ZBTB8B: variants seen among roughly 807,000 people sequenced by gnomAD.
The protein encoded by ZBTB8B is zinc finger and BTB domain containing 8B, also known as zinc finger and BTB domain-containing protein 8B.
ZBTB8B carries 17 observed loss-of-function variants against 30.3 expected under a neutral mutation model. The observed-to-expected ratio is 0.56, with a 90% CI of 0.38 to 0.84. ZBTB8B has a LOEUF of 0.84. ZBTB8B is among the 40% of genes least tolerant of loss of function. The pLI, the probability that ZBTB8B is intolerant of heterozygous loss-of-function variation, is 0.00. For synonymous variants in ZBTB8B, 248 were observed against 255.6 expected, an observed-to-expected ratio of 0.97 and a Z score of 0.28; for missense variants, 515 against 644.9, an observed-to-expected ratio of 0.80 and a Z score of 2.18.
At chr1:32,470,354 G>T (rs1192616985) in intron 1 of ZBTB8B, among the ~76,000 whole-genome samples, 2 of 151,836 alleles carry the variant, frequency 1.3e-5, no homozygotes, top group East Asian at 3.9e-4. Flanking sequence ...CAAAAAATTT[G>T]CCGGGCGTGG....
At chr1:32,469,815 C>T (rs1466967698) in intron 1 of ZBTB8B, among the ~76,000 whole-genome samples, 1 of 152,164 alleles carries the variant, frequency 6.6e-6, no homozygotes, top group Non-Finnish European at 1.5e-5. Context: ...ATGCAATTAG[C>T]TATAGTTATT....
At chr1:32,466,655 A>G (rs1024664403) in intron 1 of ZBTB8B, among the ~76,000 whole-genome samples, 3 of 152,216 alleles carry the variant, frequency 2.0e-5, no homozygotes, top group African/African-American at 7.2e-5. Flanking sequence ...GTCAGGAAGT[A>G]GAATAAAAAT....
chr1:32,470,034 G>A (rs1482947056), intron 1 of ZBTB8B, among the ~76,000 whole-genome samples: 3 of 151,888 alleles, frequency 2.0e-5, no homozygotes, highest in Non-Finnish European at 2.9e-5. Context: ...TACAGGCCCG[G>A]CTAAGTTTTG....
At chr1:32,470,017 C>A (rs1643603462) in intron 1 of ZBTB8B, among the ~76,000 whole-genome samples, 1 of 152,038 alleles carries the variant, frequency 6.6e-6, no homozygotes, top group Non-Finnish European at 1.5e-5. Context: ...TCCCTAGTAG[C>A]TGGGATTACA....
chr1:32,473,151 T>G lies in ZBTB8B; in HGVS notation c.991+1536T>G, dbSNP rs116487464. ...CTGATGAAACGTGGCTTCCAAACCT[T>G]AAGCCAAGGCTGGGCGCGGCGGCAC... On this transcript the variant is annotated intron_variant, in intron 2 of 3. Transcript: ENST00000609129. 2.0e-3 allele frequency among the ~76,000 whole-genome samples: 300 copies of G among 152,256 alleles called. 1 individual carries two copies. The highest frequency in any genetic ancestry group is 6.9e-3 in the African/African-American group (286 of 41,556).
intron 3 of ZBTB8B, among the ~76,000 whole-genome samples, chr1:32,483,953 T>C (rs1216270006): frequency 6.6e-6 from 1 of 151,742 alleles, no homozygotes; most frequent in Non-Finnish European, 1.5e-5. Context: ...GCTTGAAATC[T>C]CAACACCTTA....
Position 32,471,112 on chromosome 1 carries a change from C to G in ZBTB8B, c.488C>G (p.Ser163Ter), listed in dbSNP as rs1233537634. 6.4e-7 allele frequency: 1 copy of G among 1,551,490 alleles called. No homozygotes were observed. Among genetic ancestry groups the G allele is most frequent in the African/African-American group, 1.4e-5 (1 of 73,052 alleles). The change falls in exon 2 of 4, where the codon TCA becomes TGA. Residue 163 changes from serine to a stop codon, truncating the protein, a stop_gained. Coordinates refer to ENST00000609129, the MANE Select transcript of ZBTB8B (RefSeq NM_001145720.2). LOFTEE classifies it high-confidence loss of function. ...AHQVDSESPS[S>*]GREGTSCGTK... ...CAGGTTGACAGTGAAAGCCCCAGTT[C>G]AGGCCGGGAGGGGACCTCCTGTGGT...
At chr1:32,469,817 ATAGT>A (rs1643602244) in intron 1 of ZBTB8B, among the ~76,000 whole-genome samples, 1 of 152,176 alleles carries the variant, frequency 6.6e-6, no homozygotes, top group Non-Finnish European at 1.5e-5. Flanking sequence ...GCAATTAGCT[ATAGT>A]TATTTTTTTC....
intron 1 of ZBTB8B, among the ~76,000 whole-genome samples, chr1:32,467,720 C>A (rs1643582494): frequency 6.6e-6 from 1 of 152,082 alleles, no homozygotes; most frequent in African/African-American, 2.4e-5. Flanking sequence ...GCTTGTAGTT[C>A]ATTGACAGAG....
rs1431421557 is a variant in ZBTB8B at position 32,485,681 on chromosome 1, CT to C, written c.*264del. The C allele has an allele frequency of 2.3e-6, 1 of 429,232 alleles. No individual in the cohort carries two copies. The highest frequency in any genetic ancestry group is 4.2e-6 in the Non-Finnish European group (1 of 239,084). The allele number at this position is 429,232 out of a possible 1,614,324, so 26.6% of individuals were successfully genotyped here. A position where few individuals can be genotyped will look rare whatever the true frequency, so the allele number is the denominator to read the frequency against. On this transcript the variant is annotated 3_prime_UTR_variant, in exon 4 of 4. Transcript: ENST00000609129. ...AGTGAGTCAAAGCAGGCCCTGAGGT[CT>C]CCTGTTTTTCTTGCTGTGTGTCCAA...
chr1:32,470,525 AAG>A (rs796233930), intron 1 of ZBTB8B, 57 bp from the exon 2 acceptor site: 63 of 1,132,158 alleles, frequency 5.6e-5, no homozygotes, highest in South Asian at 1.3e-4. Context: ...AAAAAAAAAA[AAG>A]AAATCTTGTT....
Position 32,491,313 on chromosome 1 carries a change from C to T in ZBTB8B, c.*5895C>T, listed in dbSNP as rs1570267457. Reference sequence around the variant, plus strand: ...CAAACAGTTTCACATCTTTTACCATCCATAGCCCCTGAGGAGCATCTACTG... The same window carrying T: ...CAAACAGTTTCACATCTTTTACCATTCATAGCCCCTGAGGAGCATCTACTG... On this transcript the variant is annotated 3_prime_UTR_variant, in exon 4 of 4. Transcript: ENST00000609129. 1 of 152,268 alleles carries T rather than the reference C, an allele frequency of 6.6e-6. No individual in the cohort carries two copies. The highest frequency in any genetic ancestry group is 1.9e-4 in the East Asian group (1 of 5,186). 9.4% of individuals were successfully genotyped at this position (152,268 alleles called of 1,614,324 possible).
intron 2 of ZBTB8B, among the ~76,000 whole-genome samples, chr1:32,472,627 T>C (rs545171985): frequency 1.3e-5 from 2 of 152,306 alleles, no homozygotes; most frequent in African/African-American, 2.4e-5. Context: ...ATTGATTGAT[T>C]GATTGAGACA....
At chr1:32,472,401 A>G (rs1288568608) in intron 2 of ZBTB8B, among the ~76,000 whole-genome samples, 1 of 152,200 alleles carries the variant, frequency 6.6e-6, no homozygotes, top group Non-Finnish European at 1.5e-5. Flanking sequence ...GGACCAAATG[A>G]GAGAGTTTTC....
At chr1:32,481,922 C>T (rs571842005) in intron 3 of ZBTB8B, among the ~76,000 whole-genome samples, 1 of 152,244 alleles carries the variant, frequency 6.6e-6, no homozygotes, top group African/African-American at 2.4e-5. Flanking sequence ...TCCATGTTCC[C>T]ACAAAACACA....
chr1:32,474,017 G>A (rs1214593717), intron 2 of ZBTB8B, among the ~76,000 whole-genome samples: 2 of 151,272 alleles, frequency 1.3e-5, no homozygotes, highest in Non-Finnish European at 2.9e-5. Context: ...TGCCTGGCTA[G>A]TTTTTGTAGT....
Position 32,481,068 on chromosome 1 carries a change from G to T in ZBTB8B, c.1169G>T (p.Ser390Ile). ...RQEHLRSHAL[S>I]VHRSNRPIIC... Reference sequence around the variant, plus strand: ...GAGCACCTGCGGAGCCACGCACTGAGTGTAAGTGTTCGAGCTGGCCATGCC... The same window carrying T: ...GAGCACCTGCGGAGCCACGCACTGATTGTAAGTGTTCGAGCTGGCCATGCC... Residue 390 changes from serine to isoleucine, a missense_variant and splice_region_variant, in exon 3 of 4, where the codon AGT becomes ATT. Transcript: ENST00000609129. 6 of 1,548,812 alleles carry T rather than the reference G, an allele frequency of 3.9e-6. No homozygotes were observed. Among genetic ancestry groups the T allele is most frequent in the Non-Finnish European group, 5.2e-6 (6 of 1,145,026 alleles).
Position 32,496,323 on chromosome 1 carries a change from C to T in ZBTB8B, c.*10905C>T, listed in dbSNP as rs940189639. 2 of 152,172 alleles carry T rather than the reference C, an allele frequency of 1.3e-5. No homozygotes were observed. Among genetic ancestry groups the T allele is most frequent in the Non-Finnish European group, 2.9e-5 (2 of 68,038 alleles). The allele number at this position is 152,172 out of a possible 1,614,324, so 9.4% of individuals were successfully genotyped here. A position where few individuals can be genotyped will look rare whatever the true frequency, so the allele number is the denominator to read the frequency against. Reference sequence around the variant, plus strand: ...ACAGGAAGTGCAGCCATTCTACGTGCCGAGCTCTACAGTTACACACTGTCC... The same window carrying T: ...ACAGGAAGTGCAGCCATTCTACGTGTCGAGCTCTACAGTTACACACTGTCC... On this transcript the variant is annotated 3_prime_UTR_variant, in exon 4 of 4. Coordinates refer to ENST00000609129, the MANE Select transcript of ZBTB8B (RefSeq NM_001145720.2).
rs758621974 is a variant in ZBTB8B, at chr1:32,485,229, T to C, written c.1299T>C (p.Asp433=). 1.3e-5 allele frequency: 20 copies of C among 1,551,866 alleles called. No individual in the cohort carries two copies. The highest frequency in any genetic ancestry group is 1.6e-5 in the Non-Finnish European group (18 of 1,147,076). Residue 433 remains aspartate, a synonymous_variant, in exon 4 of 4, where the codon GAT becomes GAC. Transcript: ENST00000609129. ...CCTGCGTTACAGACACACCCGATGA[T>C]GATGATGATTTGATGCCCATCAACC... ...SCTCVTDTPD[D]DDDLMPINLS...
Sources: allele counts gnomAD v4.1 joint callset (sites outside exome capture counted in the v4.1 genomes callset), GRCh38; gene constraint gnomAD v4.1.1; transcripts MANE v1.5; gene names NCBI Gene and HGNC (gene_info 2026-07-23, HGNC 2026-07-21).